Variants in ZMYND8 observed in about 807,000 individuals in gnomAD.
ZMYND8 encodes the protein MYND-type zinc finger-containing chromatin reader ZMYND8.
In ZMYND8, 37 loss-of-function variants were observed where a neutral mutation model predicts 140.8. That is an observed-to-expected ratio of 0.26 (90% CI 0.20 to 0.35). The LOEUF (loss-of-function observed/expected upper bound fraction) is 0.35. Among genes scored for constraint, ZMYND8 ranks in the 10% least tolerant of loss-of-function variants. The pLI, the probability that ZMYND8 is intolerant of heterozygous loss-of-function variation, is 1.00. For missense variants in ZMYND8, 1,068 were observed against 1,570.0 expected (o/e 0.68, Z 5.40); for synonymous variants, 592 against 597.1 (o/e 0.99, Z 0.12).
At chr20:47,356,380 C>T in intron 1 of ZMYND8, 1 of 1,514,386 alleles carries the variant, frequency 6.6e-7, no homozygotes, top group Non-Finnish European at 8.8e-7. Context: ...TTTGGCATAC[C>T]AGGATCTAGC....
chr20:47,240,639 C>G (rs1208697630), intron 14 of ZMYND8, among the ~76,000 whole-genome samples: 1 of 151,784 alleles, frequency 6.6e-6, no homozygotes, highest in Non-Finnish European at 1.5e-5. Flanking sequence ...ACTGCAACCT[C>G]CGCCCTCTGA....
Position 47,298,141 on chromosome 20 carries a change from A to T in ZMYND8, c.453+588T>A. ...CACAGCACTTTTCTTTTAATTCATT[A>T]TATGGAACTTTATTTATTTTGGTTT... On this transcript the variant is annotated intron_variant, in intron 4 of 22. Coordinates refer to ENST00000471951, the MANE Select transcript of ZMYND8 (RefSeq NM_001281775.3). This position sits in a 1 kb window ranked among gnomAD's most constrained non-coding sequence, Gnocchi z 5.0. 2.2e-6 allele frequency: 1 copy of T among 460,594 alleles called. No individual in the cohort carries two copies. The highest frequency in any genetic ancestry group is 2.9e-6 in the Non-Finnish European group (1 of 350,454). 28.5% of individuals were successfully genotyped at this position (460,594 alleles called of 1,614,324 possible).
chr20:47,264,909 C>T (rs576995504), intron 11 of ZMYND8, among the ~76,000 whole-genome samples: 8 of 151,990 alleles, frequency 5.3e-5, no homozygotes, highest in Admixed American at 2.0e-4. Context: ...TGGTGGCACA[C>T]GCCTGTAGTC....
At chr20:47,221,729 C>T (rs758527939) in intron 19 of ZMYND8, among the ~76,000 whole-genome samples, 9 of 152,172 alleles carry the variant, frequency 5.9e-5, no homozygotes, top group African/African-American at 9.6e-5. Flanking sequence ...TGCAATGGCA[C>T]GATCTCAGCT....
intron 11 of ZMYND8, among the ~76,000 whole-genome samples, chr20:47,272,505 C>G (rs1040112366): frequency 6.6e-6 from 1 of 152,106 alleles, no homozygotes; most frequent in Non-Finnish European, 1.5e-5. Context: ...ACATCGAGAT[C>G]GCGCAAACAA....
intron 12 of ZMYND8, among the ~76,000 whole-genome samples, chr20:47,255,743 T>C (rs1358407323): frequency 9.8e-5 from 5 of 50,978 alleles, no homozygotes; most frequent in Non-Finnish European, 2.0e-4. Context: ...TATATATATA[T>C]ATATATATAT....
intron 18 of ZMYND8, among the ~76,000 whole-genome samples, chr20:47,225,596 AGGAG>A (rs2037595845): frequency 2.1e-4 from 1 of 4,798 alleles, no homozygotes; most frequent in African/African-American, 1.2e-3. Context: ...AGGAAGGGGA[AGGAG>A]GGGATGGGAG....
chr20:47,345,878 A>C (rs2082295817), intron 2 of ZMYND8, among the ~76,000 whole-genome samples: 1 of 151,830 alleles, frequency 6.6e-6, no homozygotes, highest in Admixed American at 6.6e-5. Flanking sequence ...GGCTGGTTTC[A>C]AACTCCTGGC....
intron 11 of ZMYND8, among the ~76,000 whole-genome samples, chr20:47,268,959 G>A (rs544416129): frequency 3.3e-5 from 5 of 152,078 alleles, no homozygotes; most frequent in Non-Finnish European, 5.9e-5. Flanking sequence ...CCAGCACTTC[G>A]GGAGGCCAAG....
At chr20:47,355,825 A>G (rs2083185066) in intron 1 of ZMYND8, among the ~76,000 whole-genome samples, 1 of 142,674 alleles carries the variant, frequency 7.0e-6, no homozygotes, top group Non-Finnish European at 1.5e-5. Context: ...GATGTTGTCC[A>G]AGATCTCTCC....
At chr20:47,333,508 A>T (rs1426094470) in intron 2 of ZMYND8, among the ~76,000 whole-genome samples, 2 of 152,076 alleles carry the variant, frequency 1.3e-5, no homozygotes, top group Non-Finnish European at 2.9e-5. Context: ...AGGCAGGTGG[A>T]TCACATCAAG....
At chr20:47,352,556 C>T (rs1019343262) in intron 1 of ZMYND8, 3 of 985,340 alleles carry the variant, frequency 3.0e-6, no homozygotes, top group Non-Finnish European at 3.6e-6. Context: ...TTTCAGAGGC[C>T]GAACTAACAG....
At chr20:47,344,677 C>T (rs2082190873) in intron 2 of ZMYND8, among the ~76,000 whole-genome samples, 1 of 152,200 alleles carries the variant, frequency 6.6e-6, no homozygotes, top group African/African-American at 2.4e-5. Flanking sequence ...GTAACAATTA[C>T]ACCACACTAG....
At chr20:47,285,420 A>G (rs888709911) in intron 8 of ZMYND8, among the ~76,000 whole-genome samples, 2 of 152,220 alleles carry the variant, frequency 1.3e-5, no homozygotes, top group African/African-American at 4.8e-5. Flanking sequence ...TCTACTTCTG[A>G]GCTATTCCAA....
chr20:47,314,477 C>T (rs796467328), intron 2 of ZMYND8, among the ~76,000 whole-genome samples: 6 of 152,134 alleles, frequency 3.9e-5, no homozygotes, highest in African/African-American at 7.2e-5. Context: ...CCAGCCTGGG[C>T]GAAAGAGAGA....
chr20:47,344,120 G>A (rs531009041), intron 2 of ZMYND8, among the ~76,000 whole-genome samples: 10 of 151,906 alleles, frequency 6.6e-5, no homozygotes, highest in Middle Eastern at 3.2e-3. Context: ...TGCGACTAGA[G>A]GTGCCTGCCA....
rs114681630 is a variant in ZMYND8, at chr20:47,293,510, C to T, written c.567+1156G>A. On this transcript the variant is annotated intron_variant, in intron 5 of 22. Coordinates refer to ENST00000471951, the MANE Select transcript of ZMYND8 (RefSeq NM_001281775.3). ...AAAGGCTGTATATCAAATCTCATCT[C>T]AAAACTGAAGGAACTAACCAAATTC... 2.5e-3 allele frequency among the ~76,000 whole-genome samples: 379 copies of T among 152,240 alleles called. 3 individuals carry two copies. The highest frequency in any genetic ancestry group is 8.5e-3 in the African/African-American group (352 of 41,538).
intron 21 of ZMYND8, among the ~76,000 whole-genome samples, chr20:47,216,518 A>AAAAC (rs1223318217): frequency 5.5e-5 from 8 of 145,364 alleles, no homozygotes; most frequent in African/African-American, 1.6e-4. Context: ...AAAAAAAAAA[A>AAAAC]GGGCCGGGCT....
At chr20:47,300,683 G>A (rs1304347314) in intron 3 of ZMYND8, among the ~76,000 whole-genome samples, 3 of 152,154 alleles carry the variant, frequency 2.0e-5, no homozygotes, top group Non-Finnish European at 4.4e-5. Context: ...AAGAAGGCAG[G>A]CACCCATATC....
Sources: gnomAD v4.1 joint callset for allele counts (sites outside exome capture counted in the v4.1 genomes callset) on GRCh38, gnomAD v4.1.1 for gene constraint, Gnocchi (gnomAD v3.1) non-coding constraint, MANE v1.5 for transcripts, NCBI Gene and HGNC (gene_info 2026-07-23, HGNC 2026-07-21) for gene names.